Variants in TAF4B observed in about 807,000 individuals in gnomAD.
TAF4B encodes the protein TATA-box binding protein associated factor 4b.
In TAF4B, 38 loss-of-function variants were observed where a neutral mutation model predicts 86.4. That is an observed-to-expected ratio of 0.44 (90% CI 0.34 to 0.58). The LOEUF is 0.58. Ranked by LOEUF, TAF4B falls within the 20% of genes least tolerant of loss-of-function variation. The pLI is 0.02. For synonymous variants in TAF4B, 388 were observed against 391.2 expected, an observed-to-expected ratio of 0.99 and a Z score of 0.10; for missense variants, 988 against 1,027.6, an observed-to-expected ratio of 0.96 and a Z score of 0.53.
chr18:26,351,313 A>G (rs1325915325), intron 13 of TAF4B, among the ~76,000 whole-genome samples: 2 of 152,186 alleles, frequency 1.3e-5, no homozygotes, highest in Non-Finnish European at 2.9e-5. Context: ...GCTAAAACAA[A>G]GTTGGTCTCA....
intron 14 of TAF4B, among the ~76,000 whole-genome samples, chr18:26,366,020 A>T (rs1043739213): frequency 2.6e-5 from 4 of 152,080 alleles, no homozygotes; most frequent in African/African-American, 9.7e-5. Flanking sequence ...CAAATTCCTG[A>T]ACTCAGGTGA....
Position 26,269,356 on chromosome 18 carries a change from G to A in TAF4B, c.597+1733G>A, listed in dbSNP as rs146684429. Among the ~76,000 whole-genome samples the A allele has an allele frequency of 2.0e-3, 311 of 152,254 alleles. 2 individuals carry two copies. Among genetic ancestry groups the A allele is most frequent in the African/African-American group, 7.3e-3 (303 of 41,554 alleles). ...ATTTTTGATTCAATGAGTATGCTGA[G>A]TCTTGGAGGATGGAATCCCATACTC... is the stretch of plus-strand genomic sequence containing the variant. On this transcript the variant is annotated intron_variant, in intron 3 of 14. Coordinates refer to ENST00000269142, the MANE Select transcript of TAF4B (RefSeq NM_005640.3).
intron 9 of TAF4B, 78 bp downstream of exon 9, chr18:26,293,609 A>AT: frequency 1.2e-6 from 1 of 835,710 alleles, no homozygotes; most frequent in Non-Finnish European, 1.8e-6. Flanking sequence ...ATAATACCTT[A>AT]CTAAAATAGA....
At chr18:26,249,073 G>A (rs1047150300) in intron 1 of TAF4B, among the ~76,000 whole-genome samples, 23 of 151,604 alleles carry the variant, frequency 1.5e-4, no homozygotes, top group Non-Finnish European at 1.3e-4. Context: ...TCTGGAGGCT[G>A]AGGCAGGAGG....
intron 1 of TAF4B, among the ~76,000 whole-genome samples, chr18:26,235,657 G>A (rs186125333): frequency 2.6e-5 from 4 of 152,248 alleles, no homozygotes; most frequent in African/African-American, 7.2e-5. Context: ...CAAGACTGTC[G>A]ATGTGGGATG....
intron 9 of TAF4B, among the ~76,000 whole-genome samples, chr18:26,311,085 G>A (rs2056849778): frequency 2.0e-5 from 3 of 151,748 alleles, no homozygotes; most frequent in African/African-American, 7.3e-5. Context: ...TTTCATACTA[G>A]GAAAAAAGCT....
rs186189432 is a variant in TAF4B, at chr18:26,293,520, A to G, written c.1821A>G (p.Thr607=). The part of the protein sequence containing the change: ...TQKNRIKENV[T]SCFRDEDDIN... ...AAAATAGAATAAAAGAGAATGTAACATCATGCTTCCGGTAAGAAAATAAAT... is the reference window on the plus strand; with the variant it reads ...AAAATAGAATAAAAGAGAATGTAACGTCATGCTTCCGGTAAGAAAATAAAT... Residue 607 remains threonine, a synonymous_variant, in exon 9 of 15, where the codon ACA becomes ACG. Transcript: ENST00000269142. The G allele has an allele frequency of 1.3e-6, 2 of 1,559,170 alleles. No homozygotes were observed. The highest frequency in any genetic ancestry group is 1.7e-6 in the Non-Finnish European group (2 of 1,160,984).
intron 9 of TAF4B, among the ~76,000 whole-genome samples, chr18:26,298,464 C>T (rs532574276): frequency 6.6e-6 from 1 of 152,040 alleles, no homozygotes; most frequent in Non-Finnish European, 1.5e-5. Flanking sequence ...AATCTCCTGA[C>T]CTTGTGATCC....
intron 9 of TAF4B, among the ~76,000 whole-genome samples, chr18:26,300,470 T>G (rs1477994547): frequency 6.7e-6 from 1 of 149,436 alleles, no homozygotes; most frequent in Non-Finnish European, 1.5e-5. Context: ...GGGTGTGTTT[T>G]TTTTTTTTTT....
intron 14 of TAF4B, among the ~76,000 whole-genome samples, chr18:26,380,367 A>G (rs2057470078): frequency 6.6e-6 from 1 of 152,210 alleles, no homozygotes; most frequent in African/African-American, 2.4e-5. Flanking sequence ...ATCAACTTTG[A>G]AGATATTTCC....
At chr18:26,318,240 G>T (rs748444505) in intron 10 of TAF4B, among the ~76,000 whole-genome samples, 5 of 152,044 alleles carry the variant, frequency 3.3e-5, no homozygotes, top group Non-Finnish European at 7.3e-5. Flanking sequence ...TCACTATGTT[G>T]CCCAGGTTGA....
chr18:26,315,204 T>G, intron 9 of TAF4B, 25 bp from the exon 10 acceptor site: 1 of 1,478,400 alleles, frequency 6.8e-7, no homozygotes, highest in Non-Finnish European at 9.0e-7. Context: ...ACCTAAAATG[T>G]ATAACTTTTT....
chr18:26,296,993 G>A (rs1460653142), intron 9 of TAF4B, among the ~76,000 whole-genome samples: 1 of 152,068 alleles, frequency 6.6e-6, no homozygotes, highest in African/African-American at 2.4e-5. Flanking sequence ...ATAAAAATTA[G>A]CAGGGCATGG....
At chr18:26,341,240 A>G (rs558955682) in intron 13 of TAF4B, among the ~76,000 whole-genome samples, 3 of 152,274 alleles carry the variant, frequency 2.0e-5, no homozygotes, top group African/African-American at 7.2e-5. Context: ...TGCTCTGCTT[A>G]TAAGATTGTC....
At chr18:26,329,864 G>C (rs993443148) in intron 12 of TAF4B, among the ~76,000 whole-genome samples, 1 of 151,996 alleles carries the variant, frequency 6.6e-6, no homozygotes, top group Non-Finnish European at 1.5e-5. Flanking sequence ...GAGTGCAGTG[G>C]TGTGATCACT....
intron 9 of TAF4B, among the ~76,000 whole-genome samples, chr18:26,297,728 T>C (rs1219438705): frequency 6.6e-6 from 1 of 152,198 alleles, no homozygotes; most frequent in East Asian, 1.9e-4. Context: ...TTGCACTGAA[T>C]GATCACTTTA....
At chr18:26,240,431 T>G (rs1224776832) in intron 1 of TAF4B, among the ~76,000 whole-genome samples, 3 of 151,894 alleles carry the variant, frequency 2.0e-5, no homozygotes, top group Non-Finnish European at 4.4e-5. Flanking sequence ...TGCACATTGG[T>G]TTTGTATCCT....
At chr18:26,277,450 G>A (rs543863367) in intron 5 of TAF4B, among the ~76,000 whole-genome samples, 3 of 152,252 alleles carry the variant, frequency 2.0e-5, no homozygotes, top group South Asian at 2.1e-4. Context: ...AGTGAAAACC[G>A]AGTTTCAAAA....
At chr18:26,289,731 C>T (rs183874201) in intron 7 of TAF4B, among the ~76,000 whole-genome samples, 12 of 152,234 alleles carry the variant, frequency 7.9e-5, no homozygotes, top group East Asian at 5.8e-4. Context: ...TCAAGTGATC[C>T]GCTTAGTACT....
Sources: gnomAD v4.1 joint callset for allele counts (sites outside exome capture counted in the v4.1 genomes callset) on GRCh38, gnomAD v4.1.1 for gene constraint, MANE v1.5 for transcripts, NCBI Gene and HGNC (gene_info 2026-07-23, HGNC 2026-07-21) for gene names.